The following BAZ1B variants were observed in gnomAD, a reference collection of about 807,000 sequenced individuals.
The protein encoded by BAZ1B is bromodomain adjacent to zinc finger domain 1B.
BAZ1B carries 22 observed loss-of-function variants against 153.8 expected under a neutral mutation model. That is an observed-to-expected ratio of 0.14 (90% CI 0.10 to 0.20). The LOEUF is 0.20. Ranked by LOEUF, BAZ1B falls within the 10% of genes least tolerant of loss-of-function variation. The probability of loss-of-function intolerance (pLI) is 1.00; values close to 1 mark genes in which losing one functional copy is unlikely to be tolerated. For synonymous variants in BAZ1B, 676 were observed against 633.4 expected (o/e 1.07, Z -1.01); for missense variants, 1,325 against 1,799.3 (o/e 0.74, Z 4.77).
At position 73,470,438 on chromosome 7, in the gene BAZ1B, T is replaced by C. The variant is rs1257802867; in HGVS notation, c.2639A>G (p.Lys880Arg). 1 of 1,614,016 alleles carries C rather than the reference T, an allele frequency of 6.2e-7. No homozygotes were observed. Among genetic ancestry groups the C allele is most frequent in the African/African-American group, 1.3e-5 (1 of 74,914 alleles). The stretch of plus-strand genomic sequence containing the variant: ...CTGGAAAGCTTTCTCAGCAGCTGCT[T>C]TGTGCTTCCGTATTCGTTCTTCTTC... Reference protein sequence around the residue: ...QAEEERIRKHKAAAEKAFQEG... With the variant: ...QAEEERIRKHRAAAEKAFQEG... The change falls in exon 8 of 20, where the codon AAA (lysine) becomes AGA (arginine). Residue 880 changes from lysine to arginine, a missense_variant. This residue lies in a region of BAZ1B where 431 missense variants were observed against 563.5 expected (regional missense o/e 0.76). Coordinates refer to ENST00000339594, the MANE Select transcript of BAZ1B (RefSeq NM_032408.4).
chr7:73,453,641 A>G (rs1470938205), intron 13 of BAZ1B, among the ~76,000 whole-genome samples: 1 of 152,240 alleles, frequency 6.6e-6, no homozygotes, highest in African/African-American at 2.4e-5. Flanking sequence ...TTAACTGTTT[A>G]ATATCTTAGA....
chr7:73,447,026 A>T (rs1787862454), intron 16 of BAZ1B, among the ~76,000 whole-genome samples: 1 of 152,258 alleles, frequency 6.6e-6, no homozygotes, highest in Non-Finnish European at 1.5e-5. Context: ...ACTAAATCTT[A>T]GAGCAAGTGG....
chr7:73,474,495 C>A (rs1341915246), intron 7 of BAZ1B, among the ~76,000 whole-genome samples: 1 of 152,172 alleles, frequency 6.6e-6, no homozygotes, highest in Admixed American at 6.5e-5. Flanking sequence ...AAAGGACAGG[C>A]CAGGTGCAGT....
chr7:73,519,709 T>C (rs1250856150), intron 1 of BAZ1B, among the ~76,000 whole-genome samples: 4 of 152,222 alleles, frequency 2.6e-5, no homozygotes, highest in African/African-American at 9.6e-5. Context: ...AGCCATTTTT[T>C]ACATAGCTCA....
At chr7:73,458,770 G>A (rs1222115587) in intron 13 of BAZ1B, among the ~76,000 whole-genome samples, 3 of 151,822 alleles carry the variant, frequency 2.0e-5, no homozygotes, top group African/African-American at 7.3e-5. Context: ...AGTGGCTCAC[G>A]CTTACAATCA....
At chr7:73,519,935 G>A (rs776604267) in intron 1 of BAZ1B, among the ~76,000 whole-genome samples, 16 of 151,478 alleles carry the variant, frequency 1.1e-4, no homozygotes, top group Middle Eastern at 3.4e-3. Context: ...GGCCAGGCGC[G>A]GTGGCTCACG....
chr7:73,479,760 C>G (rs1789129339), intron 6 of BAZ1B, among the ~76,000 whole-genome samples: 1 of 152,058 alleles, frequency 6.6e-6, no homozygotes, highest in African/African-American at 2.4e-5. Flanking sequence ...GTTCCCTTGT[C>G]TCTCTTATTC....
intron 6 of BAZ1B, among the ~76,000 whole-genome samples, chr7:73,481,293 C>T (rs890520736): frequency 1.1e-4 from 16 of 151,266 alleles, no homozygotes; most frequent in Non-Finnish European, 3.0e-5. Context: ...TCTGGGAGGC[C>T]GAGGCAGGCG....
At chr7:73,497,564 C>G (rs1789965263) in intron 4 of BAZ1B, among the ~76,000 whole-genome samples, 1 of 151,928 alleles carries the variant, frequency 6.6e-6, no homozygotes, top group Non-Finnish European at 1.5e-5. Flanking sequence ...TATGACATAC[C>G]TAACTCTTTG....
intron 16 of BAZ1B, among the ~76,000 whole-genome samples, chr7:73,445,031 AC>A (rs1554566212): frequency 0.16 from 1,810 of 11,656 alleles, 37 homozygotes; most frequent in East Asian, 0.43. Context: ...GAAAAAAAAC[AC>A]ACACACACAC....
At chr7:73,510,937 A>G in intron 1 of BAZ1B, 85 bp from the exon 2 acceptor site, 1 of 1,111,712 alleles carries the variant, frequency 9.0e-7, no homozygotes, top group Non-Finnish European at 1.3e-6. Context: ...ACAGAAAAAA[A>G]TCTAGTCTCC....
At chr7:73,484,296 T>C (rs552806736) in intron 6 of BAZ1B, among the ~76,000 whole-genome samples, 4 of 145,356 alleles carry the variant, frequency 2.8e-5, no homozygotes, top group East Asian at 2.0e-4. Flanking sequence ...GGGAGGAAGA[T>C]AGATAGATAG....
intron 13 of BAZ1B, among the ~76,000 whole-genome samples, chr7:73,451,895 A>G (rs1554568327): frequency 1.3e-5 from 2 of 152,216 alleles, no homozygotes; most frequent in South Asian, 2.1e-4. Flanking sequence ...TTTCAATGGA[A>G]TATCAATGTA....
intron 6 of BAZ1B, among the ~76,000 whole-genome samples, chr7:73,487,785 T>A (rs1789469282): frequency 6.6e-6 from 1 of 152,158 alleles, no homozygotes; most frequent in African/African-American, 2.4e-5. Context: ...AAAATTATAG[T>A]TCCATGGAAA....
At chr7:73,488,714 CA>C (rs35812071) in intron 6 of BAZ1B, among the ~76,000 whole-genome samples, 1,049 of 59,238 alleles carry the variant, frequency 0.018, 12 homozygotes, top group African/African-American at 0.051. Context: ...GACTCCAACT[CA>C]AAAAAAAAAA....
intron 1 of BAZ1B, among the ~76,000 whole-genome samples, chr7:73,515,373 C>T (rs782417831): frequency 5.3e-5 from 8 of 152,138 alleles, no homozygotes; most frequent in Non-Finnish European, 8.8e-5. Flanking sequence ...AGCTTGACCC[C>T]GTGACTGGTT....
At chr7:73,506,780 G>A (rs1318582675) in intron 3 of BAZ1B, among the ~76,000 whole-genome samples, 1 of 147,784 alleles carries the variant, frequency 6.8e-6, no homozygotes, top group African/African-American at 2.5e-5. Context: ...GAACCAGGGA[G>A]GCGGAGGTTG....
intron 3 of BAZ1B, among the ~76,000 whole-genome samples, chr7:73,506,159 TC>T (rs1790329783): frequency 1.3e-5 from 2 of 152,190 alleles, no homozygotes; most frequent in African/African-American, 4.8e-5. Flanking sequence ...GTGTTCGGTA[TC>T]ACTTTTGTAA....
chr7:73,521,163 T>C (rs1414510594), intron 1 of BAZ1B, among the ~76,000 whole-genome samples: 1 of 152,150 alleles, frequency 6.6e-6, no homozygotes, highest in Non-Finnish European at 1.5e-5. Context: ...ATTTCAAACC[T>C]GTGTCTGCCC....
Sources: gnomAD v4.1 joint callset for allele counts (sites outside exome capture counted in the v4.1 genomes callset) on GRCh38, gnomAD v4.1.1 for gene constraint, gnomAD v4.1.1 regional missense constraint, MANE v1.5 for transcripts, NCBI Gene and HGNC (gene_info 2026-07-23, HGNC 2026-07-21) for gene names.